The following PALLD variants were observed in gnomAD, a reference collection of about 807,000 sequenced individuals.
PALLD encodes the protein palladin.
PALLD carries 61 observed loss-of-function variants against 123.5 expected under a neutral mutation model. The observed-to-expected ratio is 0.49, with a 90% CI of 0.40 to 0.61. The LOEUF is 0.61. Among genes scored for constraint, PALLD ranks in the 20% least tolerant of loss-of-function variants. PALLD has a pLI of 0.00. For synonymous variants in PALLD, 465 were observed against 496.4 expected (o/e 0.94, Z 0.84); for missense variants, 1,273 against 1,377.0 (o/e 0.92, Z 1.20).
chr4:168,822,791 G>A (rs1742905589), intron 10 of PALLD, among the ~76,000 whole-genome samples: 1 of 152,278 alleles, frequency 6.6e-6, no homozygotes, highest in Admixed American at 6.5e-5. Flanking sequence ...TTTTGTCTCC[G>A]CGCTTTGATT....
At chr4:168,832,496 C>G (rs1361481973) in intron 10 of PALLD, among the ~76,000 whole-genome samples, 5 of 152,194 alleles carry the variant, frequency 3.3e-5, no homozygotes, top group African/African-American at 9.6e-5. Flanking sequence ...CTGAACACCT[C>G]GCACCCCCAC....
chr4:168,757,837 C>T (rs1474846687), intron 10 of PALLD, among the ~76,000 whole-genome samples: 2 of 152,152 alleles, frequency 1.3e-5, no homozygotes. Context: ...TTTGGGAGGC[C>T]GAGGTGGGAG....
intron 2 of PALLD, among the ~76,000 whole-genome samples, chr4:168,592,696 A>T (rs950848937): frequency 2.6e-5 from 4 of 151,834 alleles, no homozygotes; most frequent in African/African-American, 9.7e-5. Flanking sequence ...CTTACATATC[A>T]TATCTCTCCT....
chr4:168,668,369 G>A lies in PALLD; in HGVS notation c.1087+1G>A. On this transcript the variant is annotated splice_donor_variant, in intron 3 of 21. Coordinates refer to ENST00000505667, the MANE Select transcript of PALLD (RefSeq NM_001166108.2). LOFTEE classifies it high-confidence loss of function. ...ACATCTGCTGAGGTGTTCATTGAAG[G>A]TAAGGAGGGGTGCCTGGTAATGGGG... 1 of 1,596,102 alleles carries A rather than the reference G, an allele frequency of 6.3e-7. No individual in the cohort carries two copies. The highest frequency in any genetic ancestry group is 8.6e-7 in the Non-Finnish European group (1 of 1,168,742).
intron 17 of PALLD, among the ~76,000 whole-genome samples, chr4:168,919,787 T>C (rs373893585): frequency 1.0e-3 from 158 of 152,288 alleles, no homozygotes; most frequent in African/African-American, 3.4e-3. Flanking sequence ...ACTATTTTCA[T>C]GTGTGCTGAG....
At chr4:168,581,381 G>A (rs574956939) in intron 2 of PALLD, among the ~76,000 whole-genome samples, 3 of 151,956 alleles carry the variant, frequency 2.0e-5, no homozygotes, top group African/African-American at 7.2e-5. Flanking sequence ...AGTGTACAAG[G>A]GTTTGCTTTT....
At chr4:168,761,185 A>C (rs898657100) in intron 10 of PALLD, among the ~76,000 whole-genome samples, 5 of 152,222 alleles carry the variant, frequency 3.3e-5, no homozygotes, top group Non-Finnish European at 5.9e-5. Context: ...TTAGTTTTTC[A>C]TACGGAAAAG....
chr4:168,598,447 T>C (rs1175076996), intron 2 of PALLD: 3 of 621,240 alleles, frequency 4.8e-6, no homozygotes, highest in Admixed American at 3.8e-5. Flanking sequence ...GTTTGGCTTC[T>C]GCATGACTGG....
chr4:168,597,491 T>C (rs1457800511), intron 2 of PALLD, among the ~76,000 whole-genome samples: 3 of 152,074 alleles, frequency 2.0e-5, no homozygotes, highest in African/African-American at 7.2e-5. Flanking sequence ...TCTAGAATAA[T>C]AACATAATAT....
At chr4:168,802,175 A>G (rs1330794242) in intron 10 of PALLD, among the ~76,000 whole-genome samples, 2 of 152,214 alleles carry the variant, frequency 1.3e-5, no homozygotes, top group African/African-American at 2.4e-5. Context: ...AGTCAATATC[A>G]TGGCCTAAAT....
intron 6 of PALLD, among the ~76,000 whole-genome samples, chr4:168,687,155 C>T (rs1418835779): frequency 2.0e-5 from 3 of 152,182 alleles, no homozygotes; most frequent in Admixed American, 6.6e-5. Context: ...TTTTTGTAAT[C>T]TCCATAGAAG....
In PALLD at chr4:168,559,237, G is replaced by C. The variant is rs545643536; in HGVS notation, c.908+46825G>C. Among the ~76,000 whole-genome samples, 8 of 152,274 alleles carry C rather than the reference G, an allele frequency of 5.3e-5. No individual in the cohort carries two copies. In the East Asian group the frequency reaches 1.5e-3, roughly 29 times the overall value. On this transcript the variant is annotated intron_variant, in intron 2 of 21. Coordinates refer to ENST00000505667, the MANE Select transcript of PALLD (RefSeq NM_001166108.2). ...ATTCTTCAGTCACTTCATGTTGACT[G>C]TTTAGCCTCTGAAAACTCTAATTAG...
chr4:168,618,934 A>G (rs1195381449), intron 2 of PALLD, among the ~76,000 whole-genome samples: 1 of 152,224 alleles, frequency 6.6e-6, no homozygotes, highest in East Asian at 1.9e-4. Context: ...TCAGGCTTCT[A>G]GAAGGCAGTG....
chr4:168,556,577 A>T (rs17613383), intron 2 of PALLD, among the ~76,000 whole-genome samples: 20,300 of 152,208 alleles, frequency 0.13, 1,786 homozygotes, highest in South Asian at 0.21. Context: ...ACCTCTTGGT[A>T]GCCTGCCTTT....
chr4:168,860,266 A>G (rs922581347), intron 10 of PALLD, among the ~76,000 whole-genome samples: 1 of 152,366 alleles, frequency 6.6e-6, no homozygotes, highest in South Asian at 2.1e-4. Context: ...GATATGGTGG[A>G]GAAGGATCTG....
intron 2 of PALLD, among the ~76,000 whole-genome samples, chr4:168,606,747 C>T (rs1358010008): frequency 6.6e-6 from 1 of 151,282 alleles, no homozygotes; most frequent in Non-Finnish European, 1.5e-5. Flanking sequence ...AAGACAAGAG[C>T]TTGGTGGCTG....
chr4:168,586,913 G>A (rs1770879894), intron 2 of PALLD, among the ~76,000 whole-genome samples: 1 of 152,108 alleles, frequency 6.6e-6, no homozygotes, highest in African/African-American at 2.4e-5. Flanking sequence ...ATAGCTAGGG[G>A]TACCATGCGA....
chr4:168,733,220 G>A (rs1351363762), intron 10 of PALLD, among the ~76,000 whole-genome samples: 1 of 152,046 alleles, frequency 6.6e-6, no homozygotes, highest in Non-Finnish European at 1.5e-5. Flanking sequence ...ATAATTTATT[G>A]TTAACTATAA....
At chr4:168,833,274 C>G (rs1261158125) in intron 10 of PALLD, among the ~76,000 whole-genome samples, 2 of 151,510 alleles carry the variant, frequency 1.3e-5, no homozygotes, top group African/African-American at 4.9e-5. Context: ...TCGGGTCTCC[C>G]TGGGCTCGGG....
Sources: gnomAD v4.1 joint callset for allele counts (sites outside exome capture counted in the v4.1 genomes callset) on GRCh38, gnomAD v4.1.1 for gene constraint, MANE v1.5 for transcripts, NCBI Gene and HGNC (gene_info 2026-07-23, HGNC 2026-07-21) for gene names.